The following ARMC3 variants were observed in gnomAD, a reference collection of about 807,000 sequenced individuals.
ARMC3 encodes armadillo repeat-containing protein 3.
A neutral mutation model predicts 90.3 loss-of-function variants in ARMC3; 74 were observed. The ratio of observed to expected loss-of-function variants is 0.82; its 90% CI spans 0.68 to 0.99. The LOEUF (loss-of-function observed/expected upper bound fraction) is 0.99. Ranked by LOEUF, ARMC3 falls within the 50% of genes least tolerant of loss-of-function variation. The pLI is 0.00. For synonymous variants in ARMC3, 334 were observed against 361.8 expected (o/e 0.92, Z 0.87); for missense variants, 958 against 1,042.8 (o/e 0.92, Z 1.12).
intron 16 of ARMC3, among the ~76,000 whole-genome samples, chr10:23,009,609 C>T (rs1396730416): frequency 1.3e-5 from 2 of 152,228 alleles, no homozygotes; most frequent in African/African-American, 4.8e-5. Context: ...AGCAATTCTC[C>T]TGCTTCAACC....
At chr10:22,983,473 A>G (rs1836279887) in intron 10 of ARMC3, among the ~76,000 whole-genome samples, 1 of 152,192 alleles carries the variant, frequency 6.6e-6, no homozygotes, top group Admixed American at 6.6e-5. Flanking sequence ...TTAGTTACAT[A>G]ATATAATTTT....
At chr10:22,967,410 G>T (rs1176446088) in intron 7 of ARMC3, among the ~76,000 whole-genome samples, 1 of 152,006 alleles carries the variant, frequency 6.6e-6, no homozygotes, top group Non-Finnish European at 1.5e-5. Context: ...ACAATAATGA[G>T]ATCATACTTT....
chr10:23,018,094 A>G (rs1362347225), intron 16 of ARMC3, among the ~76,000 whole-genome samples: 2 of 152,232 alleles, frequency 1.3e-5, no homozygotes, highest in Non-Finnish European at 2.9e-5. Context: ...TTAATTGACA[A>G]AATTCTACTG....
At chr10:22,978,382 A>G (rs1836030550) in intron 8 of ARMC3, among the ~76,000 whole-genome samples, 1 of 152,194 alleles carries the variant, frequency 6.6e-6, no homozygotes, top group South Asian at 2.1e-4. Context: ...TGATAAAACC[A>G]TAAGATCTCG....
In ARMC3 at chr10:22,998,235, A is replaced by T; in HGVS notation, c.1263A>T (p.Val421=). The change falls in exon 11 of 19, where the codon GTA becomes GTT. Residue 421 remains valine (V), a synonymous_variant. Coordinates refer to ENST00000298032, the MANE Select transcript of ARMC3 (RefSeq NM_173081.5). ...GAGCCATTGCCAACGCTGCTACAGTATTAACAAACATGGCCATGCAGGAGC... is the reference window on the plus strand; with the variant it reads ...GAGCCATTGCCAACGCTGCTACAGTTTTAACAAACATGGCCATGCAGGAGC... ...RDGAIANAAT[V]LTNMAMQEPL... 1.9e-6 allele frequency: 3 copies of T among 1,613,086 alleles called. No individual in the cohort carries two copies. Among genetic ancestry groups the T allele is most frequent in the Non-Finnish European group, 2.5e-6 (3 of 1,179,458 alleles).
At chr10:23,020,252 C>T (rs1350973438) in intron 16 of ARMC3, among the ~76,000 whole-genome samples, 1 of 152,218 alleles carries the variant, frequency 6.6e-6, no homozygotes, top group Non-Finnish European at 1.5e-5. Flanking sequence ...TTTAGCCTCC[C>T]GAGTAGCTGG....
rs1838971005 is a variant in ARMC3, at chr10:23,032,883, G to A, written c.2269G>A (p.Gly757Ser). ...CAGGTATGTAGCAGAAAAAATGGGTGGTAAGATTCCAAAAGAGAAACTACC... is the reference window on the plus strand; with the variant it reads ...CAGGTATGTAGCAGAAAAAATGGGTAGTAAGATTCCAAAAGAGAAACTACC... ...LAKYVAEKMGGKIPKEKLPDF... is the reference protein window; with the variant it reads ...LAKYVAEKMGSKIPKEKLPDF... Residue 757 changes from glycine to serine, a missense_variant, in exon 18 of 19, where the codon GGT (glycine) becomes AGT (serine). Physicochemically the swap from Gly to Ser is moderately conservative, Grantham distance 56. Transcript: ENST00000298032. The A allele has an allele frequency of 6.2e-7, 1 of 1,611,994 alleles. No individual in the cohort carries two copies. The highest frequency in any genetic ancestry group is 1.7e-5 in the Admixed American group (1 of 59,832).
intron 7 of ARMC3, among the ~76,000 whole-genome samples, chr10:22,966,397 G>A (rs548730773): frequency 6.6e-6 from 1 of 151,592 alleles, no homozygotes; most frequent in Non-Finnish European, 1.5e-5. Context: ...CCCTCTTCAA[G>A]GAGAAGATAT....
At chr10:22,987,425 G>C (rs1445629068) in intron 10 of ARMC3, among the ~76,000 whole-genome samples, 1 of 152,122 alleles carries the variant, frequency 6.6e-6, no homozygotes, top group East Asian at 1.9e-4. Flanking sequence ...ACTTCCCTTT[G>C]GCAATGCTAA....
intron 1 of ARMC3, among the ~76,000 whole-genome samples, chr10:22,930,863 CAA>C (rs1833900091): frequency 6.6e-6 from 1 of 152,146 alleles, no homozygotes; most frequent in Non-Finnish European, 1.5e-5. Context: ...CATAATTCCA[CAA>C]ACTCTCACTG....
At chr10:23,002,820 C>T (rs774833119) in intron 12 of ARMC3, among the ~76,000 whole-genome samples, 6 of 152,176 alleles carry the variant, frequency 3.9e-5, no homozygotes, top group Admixed American at 1.3e-4. Flanking sequence ...GTGATCTGCC[C>T]GCCTCAGCCT....
chr10:22,956,014 G>C, intron 4 of ARMC3, 82 bp downstream of exon 4: 1 of 1,307,742 alleles, frequency 7.6e-7, no homozygotes, highest in East Asian at 2.5e-5. Flanking sequence ...TAAGGAATTT[G>C]TTTCAATTTT....
intron 13 of ARMC3, among the ~76,000 whole-genome samples, chr10:23,004,881 TA>T (rs1428732985): frequency 6.6e-6 from 1 of 151,970 alleles, no homozygotes; most frequent in Non-Finnish European, 1.5e-5. Context: ...TATGATAATT[TA>T]AAGAGAATGT....
chr10:22,987,048 A>C (rs993650841), intron 10 of ARMC3, among the ~76,000 whole-genome samples: 1 of 152,150 alleles, frequency 6.6e-6, no homozygotes, highest in Non-Finnish European at 1.5e-5. Context: ...AAGAAGCAAT[A>C]ATGAATTTTA....
intron 2 of ARMC3, among the ~76,000 whole-genome samples, chr10:22,933,033 A>G (rs1213038161): frequency 1.3e-5 from 2 of 152,238 alleles, no homozygotes; most frequent in Non-Finnish European, 2.9e-5. Flanking sequence ...AAGATCTATT[A>G]TCATGAGAAT....
intron 10 of ARMC3, among the ~76,000 whole-genome samples, chr10:22,988,592 G>A (rs1836565334): frequency 6.6e-6 from 1 of 152,120 alleles, no homozygotes; most frequent in Admixed American, 6.5e-5. Context: ...ATATTTCATA[G>A]TGGAATGAAG....
intron 11 of ARMC3, among the ~76,000 whole-genome samples, chr10:23,001,646 G>C (rs1837296349): frequency 6.6e-6 from 1 of 152,136 alleles, no homozygotes; most frequent in Non-Finnish European, 1.5e-5. Flanking sequence ...GGTGGGCAGT[G>C]AGAAGACAGA....
chr10:22,950,971 T>C (rs1025210593), intron 3 of ARMC3, among the ~76,000 whole-genome samples: 2 of 150,488 alleles, frequency 1.3e-5, no homozygotes, highest in Admixed American at 1.3e-4. Context: ...AGAGTCTTGC[T>C]CTGTCACCCA....
chr10:22,941,901 C>T (rs557418373), intron 2 of ARMC3, among the ~76,000 whole-genome samples: 1 of 152,222 alleles, frequency 6.6e-6, no homozygotes, highest in South Asian at 2.1e-4. Flanking sequence ...GAGGCCCTCT[C>T]AATTGCTGGT....
Sources: gnomAD v4.1 joint callset for allele counts (sites outside exome capture counted in the v4.1 genomes callset) on GRCh38, gnomAD v4.1.1 for gene constraint, MANE v1.5 for transcripts, NCBI Gene and HGNC (gene_info 2026-07-23, HGNC 2026-07-21) for gene names.